AP3B1: variants seen among roughly 807,000 people sequenced by gnomAD.
AP3B1 encodes the protein AP-3 complex subunit beta-1.
Under a neutral mutation model 132.5 loss-of-function variants are expected in AP3B1, and 61 were observed. That is an observed-to-expected ratio of 0.46 (90% confidence interval 0.37 to 0.57). The LOEUF (loss-of-function observed/expected upper bound fraction) is 0.57. Ranked by LOEUF, AP3B1 falls within the 20% of genes least tolerant of loss-of-function variation. The pLI, the probability that AP3B1 is intolerant of heterozygous loss-of-function variation, is 0.00. For missense variants in AP3B1, 1,120 were observed against 1,289.4 expected (o/e 0.87, Z 2.01); for synonymous variants, 388 against 438.3 (o/e 0.89, Z 1.43).
chr5:78,197,989 T>G (rs1249645164), intron 7 of AP3B1, among the ~76,000 whole-genome samples: 1 of 152,190 alleles, frequency 6.6e-6, no homozygotes, highest in Non-Finnish European at 1.5e-5. Flanking sequence ...ATGAAAGAAC[T>G]GAGGTGCACA....
intron 8 of AP3B1, among the ~76,000 whole-genome samples, chr5:78,178,070 A>C (rs758210558): frequency 6.6e-6 from 1 of 152,210 alleles, no homozygotes; most frequent in Non-Finnish European, 1.5e-5. Flanking sequence ...TACGTGGCAA[A>C]GCTCAAGACA....
chr5:78,208,134 G>A (rs1480496166), intron 7 of AP3B1, among the ~76,000 whole-genome samples: 3 of 151,992 alleles, frequency 2.0e-5, no homozygotes, highest in African/African-American at 7.2e-5. Flanking sequence ...TAAGAAATAG[G>A]ATTCAACACA....
intron 22 of AP3B1, among the ~76,000 whole-genome samples, chr5:78,060,411 T>A (rs914422737): frequency 6.6e-6 from 1 of 152,164 alleles, no homozygotes; most frequent in African/African-American, 2.4e-5. Context: ...GAAACACACA[T>A]GTAGAAGGAC....
rs182260236 is a variant in AP3B1, at chr5:78,263,005, A to G, written c.204+4515T>C. Among the ~76,000 whole-genome samples, 405 of 151,416 alleles carry G rather than the reference A, an allele frequency of 2.7e-3. 3 individuals are homozygous for G. Among genetic ancestry groups the G allele is most frequent in the African/African-American group, 9.4e-3 (389 of 41,290 alleles). ...TTTTTCAAGGTTGTTTTGGCTATTCAGGGACTCATGGGATTCTATATAAAT... is the reference window on the plus strand; with the variant it reads ...TTTTTCAAGGTTGTTTTGGCTATTCGGGGACTCATGGGATTCTATATAAAT... On this transcript the variant is annotated intron_variant, in intron 2 of 26. Coordinates refer to ENST00000255194, the MANE Select transcript of AP3B1 (RefSeq NM_003664.5).
intron 11 of AP3B1, among the ~76,000 whole-genome samples, chr5:78,175,179 G>C (rs931466675): frequency 7.2e-5 from 11 of 152,194 alleles, no homozygotes; most frequent in African/African-American, 2.7e-4. Context: ...TGCTTCCTGG[G>C]TGAGGCAACG....
intron 15 of AP3B1, among the ~76,000 whole-genome samples, chr5:78,134,731 CG>C (rs1472006452): frequency 6.6e-6 from 1 of 152,012 alleles, no homozygotes; most frequent in East Asian, 1.9e-4. Context: ...TTAGTAGAGA[CG>C]GGGTTTAACC....
intron 20 of AP3B1, among the ~76,000 whole-genome samples, chr5:78,105,665 A>G (rs994444423): frequency 6.6e-6 from 1 of 152,196 alleles, no homozygotes; most frequent in Non-Finnish European, 1.5e-5. Context: ...TACTTCATTG[A>G]AAGGACTATA....
At chr5:78,151,860 CCTCCCCCTCCTCTCCCCATCCCTCCT>C (rs1753670743) in intron 14 of AP3B1, among the ~76,000 whole-genome samples, 1 of 45,200 alleles carries the variant, frequency 2.2e-5, no homozygotes, top group Non-Finnish European at 4.3e-5. Context: ...TCCCCCTTCC[CCTCCCCCTCCTCTCCCCATCCCTCCT>C]CTCCCCCTTC....
At chr5:78,140,300 G>A (rs16875204) in intron 15 of AP3B1, among the ~76,000 whole-genome samples, 6,202 of 152,154 alleles carry the variant, frequency 0.041, 190 homozygotes, top group East Asian at 0.14. Context: ...ACTTAGCAGA[G>A]CATACAAGCC....
chr5:78,248,868 A>C (rs1404505579), intron 2 of AP3B1, among the ~76,000 whole-genome samples: 6 of 151,774 alleles, frequency 4.0e-5, no homozygotes, highest in Admixed American at 3.3e-4. Flanking sequence ...ATATTGTTCC[A>C]CTCTCTTCTG....
chr5:78,054,629 A>G (rs1361407119), intron 22 of AP3B1, among the ~76,000 whole-genome samples: 1 of 152,182 alleles, frequency 6.6e-6, no homozygotes, highest in Non-Finnish European at 1.5e-5. Context: ...ACAAAATTGT[A>G]TGAGGGAAAC....
intron 7 of AP3B1, among the ~76,000 whole-genome samples, chr5:78,214,578 G>C (rs978700676): frequency 1.3e-5 from 2 of 152,010 alleles, no homozygotes; most frequent in Non-Finnish European, 2.9e-5. Flanking sequence ...ATTAGCTAAG[G>C]CAAAATTGCC....
chr5:78,163,148 C>T (rs1449541495), intron 12 of AP3B1, among the ~76,000 whole-genome samples, 197 bp from the exon 13 acceptor site: 2 of 152,014 alleles, frequency 1.3e-5, no homozygotes, highest in Admixed American at 6.6e-5. Context: ...TGCCTATGGA[C>T]GAAGCACATT....
At chr5:78,256,030 T>C (rs1747832570) in intron 2 of AP3B1, among the ~76,000 whole-genome samples, 1 of 151,764 alleles carries the variant, frequency 6.6e-6, no homozygotes, top group African/African-American at 2.4e-5. Flanking sequence ...CTGAAAAATC[T>C]AAGAGGGAAT....
intron 1 of AP3B1, among the ~76,000 whole-genome samples, chr5:78,276,694 C>G (rs1407152265): frequency 6.6e-6 from 1 of 151,578 alleles, no homozygotes; most frequent in African/African-American, 2.4e-5. Context: ...ACGGCAAGAC[C>G]CTTTCACCAC....
intron 22 of AP3B1, among the ~76,000 whole-genome samples, chr5:78,054,538 T>C (rs931139157): frequency 3.3e-5 from 5 of 152,158 alleles, no homozygotes; most frequent in African/African-American, 1.2e-4. Context: ...CCATTATGAA[T>C]GGGGCCATGC....
At chr5:78,038,117 C>T (rs1321494674) in intron 23 of AP3B1, among the ~76,000 whole-genome samples, 1 of 152,190 alleles carries the variant, frequency 6.6e-6, no homozygotes, top group Non-Finnish European at 1.5e-5. Context: ...CGCTGCTCAG[C>T]AACCCACTCA....
intron 22 of AP3B1, among the ~76,000 whole-genome samples, chr5:78,088,013 T>C (rs977483652): frequency 6.6e-6 from 1 of 152,192 alleles, no homozygotes; most frequent in Admixed American, 6.5e-5. Flanking sequence ...CACATAGCTA[T>C]TAAGTGGCAA....
In AP3B1 at chr5:78,015,444, C is replaced by T. The variant is rs758895536; in HGVS notation, c.3097G>A (p.Gly1033Ser). ...FQKVVNVANVGAVPSGQDNIH... is the reference protein window; with the variant it reads ...FQKVVNVANVSAVPSGQDNIH... ...TTATCCTGGCCAGAAGGGACTGCAC[C>T]TACATTGGCTACATTTACAACCTTC... Residue 1033 changes from glycine to serine, a missense_variant, in exon 26 of 27, where the codon GGT becomes AGT. Gly to Ser is a moderately conservative substitution (Grantham distance 56, BLOSUM62 0). Transcript: ENST00000255194. The T allele has an allele frequency of 1.2e-6, 2 of 1,613,874 alleles. No individual in the cohort carries two copies. Among genetic ancestry groups the T allele is most frequent in the Non-Finnish European group, 1.7e-6 (2 of 1,179,826 alleles).
Sources: allele counts gnomAD v4.1 joint callset (sites outside exome capture counted in the v4.1 genomes callset), GRCh38; gene constraint gnomAD v4.1.1; transcripts MANE v1.5; gene names NCBI Gene and HGNC (gene_info 2026-07-23, HGNC 2026-07-21).